The following CLEC2D variants were observed in gnomAD, a reference collection of about 807,000 sequenced individuals.
CLEC2D encodes the protein C-type lectin domain family 2 member D.
In CLEC2D, 16 loss-of-function variants were observed where a neutral mutation model predicts 20.0. That is an observed-to-expected ratio of 0.80 (90% CI 0.54 to 1.22). The LOEUF (loss-of-function observed/expected upper bound fraction) is 1.22, where lower values mean the gene tolerates loss of function less well. Among genes scored for constraint, CLEC2D ranks in the 50% most tolerant of loss-of-function variants. The pLI is 0.00. For synonymous variants in CLEC2D, 77 were observed against 71.1 expected, an observed-to-expected ratio of 1.08 and a Z score of -0.42; for missense variants, 207 against 221.5, an observed-to-expected ratio of 0.93 and a Z score of 0.42.
intron 1 of CLEC2D, chr12:9,680,188 A>G (rs1480437133): frequency 3.3e-6 from 1 of 307,152 alleles, no homozygotes; most frequent in South Asian, 2.8e-5. Flanking sequence ...CCCCTTTGTT[A>G]GGCACTTCTG....
intron 2 of CLEC2D, among the ~76,000 whole-genome samples, chr12:9,682,205 G>C (rs780913666): frequency 6.6e-6 from 1 of 151,968 alleles, no homozygotes; most frequent in East Asian, 1.9e-4. Flanking sequence ...TTTTTTAAAT[G>C]TGTTATTATG....
chr12:9,692,904 G>T lies in CLEC2D; in HGVS notation c.434G>T (p.Trp145Leu). ...AGAGAACAAGGCCAACCATGGAAAT[G>T]GATAAATGGTACTGAATGGACAAGA... ...LSREQGQPWKWINGTEWTRQF... is the reference protein window; with the variant it reads ...LSREQGQPWKLINGTEWTRQF... Residue 145 changes from tryptophan (W) to leucine (L), a missense_variant, in exon 4 of 5, where the codon TGG (tryptophan) becomes TTG (leucine). Physicochemically the swap from Trp to Leu is moderately conservative, Grantham distance 61. Coordinates refer to ENST00000290855, the MANE Select transcript of CLEC2D (RefSeq NM_013269.6). The T allele has an allele frequency of 6.2e-7, 1 of 1,613,556 alleles. No homozygotes were observed. The highest frequency in any genetic ancestry group is 8.5e-7 in the Non-Finnish European group (1 of 1,179,680).
chr12:9,683,129 G>C (rs1865671689), intron 2 of CLEC2D, among the ~76,000 whole-genome samples: 1 of 151,830 alleles, frequency 6.6e-6, no homozygotes, highest in African/African-American at 2.4e-5. Context: ...ATATTTGTTG[G>C]CCACATAAAT....
chr12:9,689,048 A>G (rs913711887), intron 3 of CLEC2D, among the ~76,000 whole-genome samples: 4 of 152,216 alleles, frequency 2.6e-5, no homozygotes, highest in Admixed American at 6.5e-5. Flanking sequence ...CAGGGTGAAC[A>G]ATAAGCACCT....
rs1866045213 is a variant in CLEC2D, at chr12:9,698,202, A to G, written c.*3328A>G. ...GATTAAATCAAACTAACATTTCATC[A>G]TCTCACATACTTATCATTTTCTGTG... is the stretch of plus-strand genomic sequence containing the variant. On this transcript the variant is annotated 3_prime_UTR_variant, in exon 5 of 5. Coordinates refer to ENST00000290855, the MANE Select transcript of CLEC2D (RefSeq NM_013269.6). The G allele has an allele frequency of 6.6e-6, 1 of 152,214 alleles. No homozygotes were observed. The highest frequency in any genetic ancestry group is 2.4e-5 in the African/African-American group (1 of 41,450). 9.4% of individuals were successfully genotyped at this position (152,214 alleles called of 1,614,324 possible).
intron 2 of CLEC2D, among the ~76,000 whole-genome samples, chr12:9,685,275 AC>A (rs1393713358): frequency 6.6e-6 from 1 of 152,080 alleles, no homozygotes; most frequent in African/African-American, 2.4e-5. Context: ...GTGCCTATCA[AC>A]CCCTGCTAGG....
intron 2 of CLEC2D, among the ~76,000 whole-genome samples, chr12:9,686,059 C>T (rs1435898552): frequency 6.6e-6 from 1 of 151,942 alleles, no homozygotes; most frequent in Non-Finnish European, 1.5e-5. Context: ...CCAGATAGCA[C>T]CTCACAGCAC....
At chr12:9,671,272 G>A (rs11052304) in intron 1 of CLEC2D, among the ~76,000 whole-genome samples, 9,012 of 152,238 alleles carry the variant, frequency 0.059, 312 homozygotes, top group Non-Finnish European at 0.084. Flanking sequence ...CCCCCAGGCT[G>A]GAGTGCAGTG....
In CLEC2D at chr12:9,688,051, G is replaced by T; in HGVS notation, c.322G>T (p.Ala108Ser). 1 of 1,610,582 alleles carries T rather than the reference G, an allele frequency of 6.2e-7. No homozygotes were observed. The highest frequency in any genetic ancestry group is 1.3e-5 in the African/African-American group (1 of 74,750). ...TCAGAGGTTTTGTGACTCACAAGATGCTGATCTTGCTCAGGTTGAAAGCTT... is the reference window on the plus strand; with the variant it reads ...TCAGAGGTTTTGTGACTCACAAGATTCTGATCTTGCTCAGGTTGAAAGCTT... ...SSQRFCDSQD[A>S]DLAQVESFQE... Residue 108 changes from alanine (A) to serine (S), a missense_variant, in exon 3 of 5, where the codon GCT (alanine) becomes TCT (serine). Transcript: ENST00000290855.
intron 4 of CLEC2D, 147 bp from the exon 5 acceptor site, chr12:9,694,613 C>G: frequency 1.7e-6 from 1 of 604,524 alleles, no homozygotes; most frequent in South Asian, 1.9e-5. Context: ...GCAAAGCCCA[C>G]TGACTAATTA....
rs752374139 is a variant in CLEC2D, at chr12:9,670,985, G to T, written c.61+1190G>T. ...TAATGTTCATGGGTCTCTTTCTAAAGTTTCTTCCTCTTCACCATCTGACCC... is the reference window on the plus strand; with the variant it reads ...TAATGTTCATGGGTCTCTTTCTAAATTTTCTTCCTCTTCACCATCTGACCC... On this transcript the variant is annotated intron_variant, in intron 1 of 4. Transcript: ENST00000290855. Among the ~76,000 whole-genome samples the T allele has an allele frequency of 6.6e-5, 10 of 152,264 alleles. No homozygotes were observed. In the South Asian group the frequency reaches 2.1e-3, roughly 32 times the overall value.
chr12:9,693,200 C>CT, intron 4 of CLEC2D: 3 of 971,970 alleles, frequency 3.1e-6, no homozygotes, highest in Admixed American at 1.8e-5. Flanking sequence ...CATACAATAT[C>CT]TTTAAGTCTG....
chr12:9,677,404 T>C (rs1454797646), intron 1 of CLEC2D, among the ~76,000 whole-genome samples: 5 of 152,096 alleles, frequency 3.3e-5, no homozygotes, highest in African/African-American at 4.8e-5. Flanking sequence ...AATCTCCACA[T>C]GTTTGTGGAG....
intron 2 of CLEC2D, among the ~76,000 whole-genome samples, chr12:9,681,749 C>T (rs9332411): frequency 0.35 from 53,862 of 151,992 alleles, 10,919 homozygotes; most frequent in East Asian, 0.56. Context: ...ATACTGCTTA[C>T]GTAACTTAAG....
In CLEC2D at chr12:9,686,518, C is replaced by T. The variant is rs1319652541; in HGVS notation, c.173-1384C>T. ...GTTATGATTTGTTATTCAGATTACA[C>T]CAGTTATTATTCATAACTAAGAGTG... On this transcript the variant is annotated intron_variant, in intron 2 of 4. Transcript: ENST00000290855. Among the ~76,000 whole-genome samples, 9 of 152,112 alleles carry T rather than the reference C, an allele frequency of 5.9e-5. No individual in the cohort carries two copies. The East Asian group carries it at 1.7e-3, about 29-fold the overall frequency.
At chr12:9,685,716 G>T (rs1420930537) in intron 2 of CLEC2D, among the ~76,000 whole-genome samples, 3 of 152,176 alleles carry the variant, frequency 2.0e-5, no homozygotes, top group African/African-American at 7.2e-5. Context: ...CACCAAGCTT[G>T]AGCATCTGGG....
intron 4 of CLEC2D, 123 bp downstream of exon 4, chr12:9,693,054 G>A (rs759434767): frequency 6.2e-7 from 1 of 1,613,770 alleles, no homozygotes; most frequent in South Asian, 1.1e-5. Flanking sequence ...AAAGAAGATG[G>A]TGCCAACTTG....
At chr12:9,681,568 T>G (rs1865636058) in intron 2 of CLEC2D, among the ~76,000 whole-genome samples, 1 of 151,994 alleles carries the variant, frequency 6.6e-6, no homozygotes, top group South Asian at 2.1e-4. Flanking sequence ...CAATTAGCTA[T>G]AAAAATTATC....
chr12:9,685,247 T>C (rs1865724079), intron 2 of CLEC2D, among the ~76,000 whole-genome samples: 1 of 152,230 alleles, frequency 6.6e-6, no homozygotes, highest in Non-Finnish European at 1.5e-5. Context: ...AGATGCCAGC[T>C]GAGCTGTCCT....
Sources: allele counts gnomAD v4.1 joint callset (sites outside exome capture counted in the v4.1 genomes callset), GRCh38; gene constraint gnomAD v4.1.1; transcripts MANE v1.5; gene names NCBI Gene and HGNC (gene_info 2026-07-23, HGNC 2026-07-21).